Variants in SAMD11 observed in about 807,000 individuals in gnomAD.
SAMD11 encodes the protein sterile alpha motif domain containing 11, also known as sterile alpha motif domain-containing protein 11.
SAMD11 carries 77 observed loss-of-function variants against 64.4 expected under a neutral mutation model. The observed-to-expected ratio is 1.20, with a 90% CI of 0.99 to 1.44. The LOEUF (loss-of-function observed/expected upper bound fraction) is 1.44, where lower values mean the gene tolerates loss of function less well. Ranked by LOEUF, SAMD11 falls within the 40% of genes most tolerant of loss-of-function variation. The probability of loss-of-function intolerance (pLI) is 0.00; values close to 1 mark genes in which losing one functional copy is unlikely to be tolerated. For synonymous variants in SAMD11, 658 were observed against 421.9 expected, an observed-to-expected ratio of 1.56 and a Z score of -6.86; for missense variants, 1,402 against 943.3, an observed-to-expected ratio of 1.49 and a Z score of -6.37.
intron 5 of SAMD11, 89 bp downstream of exon 5, chr1:935,985 G>A (rs1365657585): frequency 6.4e-6 from 9 of 1,408,358 alleles, no homozygotes; most frequent in African/African-American, 2.8e-5. Flanking sequence ...AGCCTTGGCA[G>A]GCAGCCAGAG....
intron 4 of SAMD11, 49 bp downstream of exon 4, chr1:931,138 C>CCGGG: frequency 6.5e-7 from 1 of 1,533,730 alleles, no homozygotes. Context: ...ACTCCCCTCC[C>CCGGG]TCCCTCCCAC....
intron 6 of SAMD11, 62 bp from the exon 7 acceptor site, chr1:939,213 T>C: frequency 1.3e-6 from 2 of 1,552,976 alleles, no homozygotes; most frequent in Non-Finnish European, 8.7e-7. Context: ...GCAGGCACTC[T>C]AGAGGGGCGT....
rs1445883791 is a variant in SAMD11 at position 944,559 on chromosome 1, T to C, written c.*406T>C. ...ACGTTTGGTCTTTCATGCTGAAAAA[T>C]AAATAATAAAGCCTGTCCCGTGTCT... On this transcript the variant is annotated 3_prime_UTR_variant, in exon 14 of 14. Transcript: ENST00000616016. The C allele has an allele frequency of 4.7e-6, 3 of 631,748 alleles. No homozygotes were observed. In the Admixed American group the frequency reaches 9.9e-5, roughly 21 times the overall value. 39.1% of individuals were successfully genotyped at this position (631,748 alleles called of 1,614,324 possible). A position where few individuals can be genotyped will look rare whatever the true frequency, so the allele number is the denominator to read the frequency against.
At chr1:930,995 G>A in intron 3 of SAMD11, 44 bp from the exon 4 acceptor site, 1 of 1,591,672 alleles carries the variant, frequency 6.3e-7, no homozygotes, top group Non-Finnish European at 8.6e-7. Flanking sequence ...GCTGGGGTCA[G>A]GGGCCTCCAG....
chr1:930,443 C>T (rs767020992), intron 3 of SAMD11, 107 bp downstream of exon 3: 106 of 1,231,128 alleles, frequency 8.6e-5, no homozygotes, highest in Non-Finnish European at 1.1e-4. Flanking sequence ...CCCACACCTT[C>T]CCTCAGATGC....
intron 5 of SAMD11, among the ~76,000 whole-genome samples, chr1:937,107 C>G (rs1363538522): frequency 3.9e-5 from 6 of 152,170 alleles, no homozygotes; most frequent in African/African-American, 1.4e-4. Flanking sequence ...GTCTCCCATA[C>G]GCACTCCGTG....
chr1:941,421 C>A, intron 8 of SAMD11, 115 bp downstream of exon 8: 1 of 1,104,684 alleles, frequency 9.1e-7, no homozygotes, highest in Non-Finnish European at 1.2e-6. Context: ...GCTCTAGGTT[C>A]GGGTCCGGGC....
Position 943,018 on chromosome 1 carries a change from C to G in SAMD11, c.2013C>G (p.Pro671=). 5 of 1,532,388 alleles carry G rather than the reference C, an allele frequency of 3.3e-6. No homozygotes were observed. The highest frequency in any genetic ancestry group is 1.3e-5 in the South Asian group (1 of 78,000). 94.9% of individuals were successfully genotyped at this position (1,532,388 alleles called of 1,614,324 possible). A position where few individuals can be genotyped will look rare whatever the true frequency, so the allele number is the denominator to read the frequency against. The change falls in exon 11 of 14, where the codon CCC becomes CCG. Residue 671 remains proline (P), a synonymous_variant. Transcript: ENST00000616016. ...GKGLFPGSTL[P]LGFPYAVSPY... is the part of the protein sequence containing the mutation. ...GGCTTTTCCCAGGGTCCACACTGCCCCTGGGCTTCCCTTATGCCGTCAGCC... is the reference window on the plus strand; with the variant it reads ...GGCTTTTCCCAGGGTCCACACTGCCGCTGGGCTTCCCTTATGCCGTCAGCC...
At chr1:937,953 T>C (rs1641546493) in intron 5 of SAMD11, among the ~76,000 whole-genome samples, 1 of 152,040 alleles carries the variant, frequency 6.6e-6, no homozygotes, top group Non-Finnish European at 1.5e-5. Context: ...GCAGGGCTTG[T>C]GGGGGGACGG....
chr1:939,576 T>C, intron 7 of SAMD11, 164 bp downstream of exon 7: 1 of 317,616 alleles, frequency 3.1e-6, no homozygotes, highest in Non-Finnish European at 4.6e-6. Flanking sequence ...CAGGTCCCTC[T>C]GCCACACGTC....
chr1:936,277 CCCGCCTCCTA>C, intron 5 of SAMD11, among the ~76,000 whole-genome samples: 1 of 141,892 alleles, frequency 7.0e-6, no homozygotes, highest in Non-Finnish European at 1.6e-5. Context: ...GGTCCCCGGT[CCCGCCTCCTA>C]GGGCTCCTGG....
rs546356481 is a variant in SAMD11, at chr1:942,099, G to GC, written c.1359-36dup. ...CGCCGGGGCCTTTACGGGAACGGGG[G>GC]CGGGGGGGACGCCGCTCATTGCGCT... On this transcript the variant is annotated intron_variant, in intron 8 of 13. Transcript: ENST00000616016. 336 of 619,382 alleles carry GC rather than the reference G, an allele frequency of 5.4e-4. 3 individuals are homozygous for GC. In the African/African-American group the frequency reaches 6.0e-3, roughly 11 times the overall value. The allele number at this position is 619,382 out of a possible 1,614,324, so 38.4% of individuals were successfully genotyped here. A position where few individuals can be genotyped will look rare whatever the true frequency, so the allele number is the denominator to read the frequency against.
Position 943,950 on chromosome 1 carries a change from C to A in SAMD11, c.2332C>A (p.Pro778Thr), listed in dbSNP as rs768785250. Residue 778 changes from proline (P) to threonine (T), a missense_variant, in exon 14 of 14, where the codon CCC becomes ACC. Pro to Thr is a conservative substitution (Grantham distance 38). Transcript: ENST00000616016. ...LGRVFYVASF[P>T]VALPLQPPTL... Reference sequence around the variant, plus strand: ...CCGAGTTTTCTACGTGGCCAGCTTCCCCGTGGCTCTGCCACTGCAGCCACC... The same window carrying A: ...CCGAGTTTTCTACGTGGCCAGCTTCACCGTGGCTCTGCCACTGCAGCCACC... 6.2e-7 allele frequency: 1 copy of A among 1,612,592 alleles called. No homozygotes were observed. The highest frequency in any genetic ancestry group is 8.5e-7 in the Non-Finnish European group (1 of 1,179,876).
At position 943,018 on chromosome 1, in the gene SAMD11, C is replaced by T. The variant is rs377054103; in HGVS notation, c.2013C>T (p.Pro671=). The T allele has an allele frequency of 7.8e-6, 12 of 1,532,272 alleles. No individual in the cohort carries two copies. Among genetic ancestry groups the T allele is most frequent in the African/African-American group, 4.2e-5 (3 of 71,670 alleles). 94.9% of individuals were successfully genotyped at this position (1,532,272 alleles called of 1,614,324 possible). Residue 671 remains proline (P), a synonymous_variant, in exon 11 of 14, where the codon CCC becomes CCT. Coordinates refer to ENST00000616016, the MANE Select transcript of SAMD11 (RefSeq NM_001385641.1). ...GGCTTTTCCCAGGGTCCACACTGCCCCTGGGCTTCCCTTATGCCGTCAGCC... is the reference window on the plus strand; with the variant it reads ...GGCTTTTCCCAGGGTCCACACTGCCTCTGGGCTTCCCTTATGCCGTCAGCC... ...GKGLFPGSTL[P]LGFPYAVSPY...
chr1:925,749 C>G, intron 1 of SAMD11, 173 bp from the exon 2 acceptor site: 1 of 606,724 alleles, frequency 1.6e-6, no homozygotes, highest in Non-Finnish European at 3.0e-6. Flanking sequence ...CAGCAGATCC[C>G]TGCGGCGTTC....
At chr1:933,724 C>A (rs1284616570) in intron 4 of SAMD11, among the ~76,000 whole-genome samples, 1 of 142,020 alleles carries the variant, frequency 7.0e-6, no homozygotes, top group Non-Finnish European at 1.6e-5. Flanking sequence ...TCCCACCCAG[C>A]TGCCTTCCTA....
At chr1:941,975 C>A (rs1290500814) in intron 8 of SAMD11, 161 bp from the exon 9 acceptor site, 1 of 370,780 alleles carries the variant, frequency 2.7e-6, no homozygotes, top group Admixed American at 4.6e-5. Context: ...TAATTGGCGC[C>A]GCCGGCGGGG....
intron 2 of SAMD11, 135 bp from the exon 3 acceptor site, chr1:930,020 T>C (rs1210383337): frequency 2.0e-5 from 21 of 1,067,356 alleles, no homozygotes; most frequent in Middle Eastern, 6.4e-4. Context: ...CTGCCGTGCT[T>C]GGGGCTCGGC....
At position 940,351 on chromosome 1, in the gene SAMD11, C is replaced by T. The variant is rs887958955; in HGVS notation, c.1196-793C>T. 2.7e-5 allele frequency: 4 copies of T among 148,110 alleles called. No individual in the cohort carries two copies. The Admixed American group carries it at 2.8e-4, about 10-fold the overall frequency. 9.2% of individuals were successfully genotyped at this position (148,110 alleles called of 1,614,324 possible). A position where few individuals can be genotyped will look rare whatever the true frequency, so the allele number is the denominator to read the frequency against. On this transcript the variant is annotated intron_variant, in intron 7 of 13. Transcript: ENST00000616016. ...GCCGTAAATAACCCTGTAACTAACC[C>T]GGCCGCTAGCGCGGGGGCGCTGGGC...
Sources: allele counts gnomAD v4.1 joint callset (sites outside exome capture counted in the v4.1 genomes callset), GRCh38; gene constraint gnomAD v4.1.1; transcripts MANE v1.5; gene names NCBI Gene and HGNC (gene_info 2026-07-23, HGNC 2026-07-21).